Variants in KRCC1 observed in about 807,000 individuals in gnomAD.
KRCC1 encodes the protein lysine rich coiled-coil 1.
A neutral mutation model predicts 7.4 loss-of-function variants in KRCC1; 3 were observed. The ratio of observed to expected loss-of-function variants is 0.40; its 90% CI spans 0.18 to 1.04. KRCC1 has a LOEUF of 1.04. Among genes scored for constraint, KRCC1 ranks in the 50% least tolerant of loss-of-function variants. The pLI is 0.33. For synonymous variants in KRCC1, 102 were observed against 101.6 expected, an observed-to-expected ratio of 1.00 and a Z score of -0.02; for missense variants, 277 against 300.9, an observed-to-expected ratio of 0.92 and a Z score of 0.59.
At chr2:88,052,787 A>G (rs1019917891) in intron 1 of KRCC1, among the ~76,000 whole-genome samples, 4 of 152,228 alleles carry the variant, frequency 2.6e-5, no homozygotes, top group Admixed American at 2.0e-4. Context: ...GACTGTTAGT[A>G]TACTTGTGTC....
chr2:88,040,763 T>C (rs1231691026), intron 1 of KRCC1, among the ~76,000 whole-genome samples: 3 of 151,994 alleles, frequency 2.0e-5, no homozygotes, highest in Non-Finnish European at 4.4e-5. Flanking sequence ...CAAAGAACTA[T>C]GATGCAAGAC....
intron 2 of KRCC1, among the ~76,000 whole-genome samples, chr2:88,035,840 C>T (rs1383790392): frequency 6.6e-6 from 1 of 152,086 alleles, no homozygotes; most frequent in Admixed American, 6.6e-5. Context: ...GACCTCTGGG[C>T]TCTGAAGACT....
chr2:88,041,333 T>C (rs888310492), intron 1 of KRCC1, among the ~76,000 whole-genome samples: 3 of 152,058 alleles, frequency 2.0e-5, no homozygotes, highest in African/African-American at 7.3e-5. Flanking sequence ...GAGTTGTTAC[T>C]GTTGTTGTTA....
chr2:88,030,087 A>G (rs970585464), intron 3 of KRCC1, among the ~76,000 whole-genome samples: 1 of 150,876 alleles, frequency 6.6e-6, no homozygotes, highest in African/African-American at 2.4e-5. Flanking sequence ...ACCTCAGGTG[A>G]TCTGCCTGCC....
chr2:88,049,735 C>CCT (rs971274216), intron 1 of KRCC1, among the ~76,000 whole-genome samples: 11 of 152,242 alleles, frequency 7.2e-5, no homozygotes, highest in Admixed American at 2.0e-4. Flanking sequence ...AATTCTTAGT[C>CCT]ATTTTAACAT....
intron 1 of KRCC1, among the ~76,000 whole-genome samples, chr2:88,043,972 G>C (rs923174209): frequency 6.6e-6 from 1 of 152,128 alleles, no homozygotes; most frequent in Non-Finnish European, 1.5e-5. Flanking sequence ...ACTGCGCCCG[G>C]CCTCACGTTA....
At chr2:88,043,519 G>T (rs908883380) in intron 1 of KRCC1, among the ~76,000 whole-genome samples, 1 of 152,164 alleles carries the variant, frequency 6.6e-6, no homozygotes, top group Non-Finnish European at 1.5e-5. Flanking sequence ...AACTAGGCAT[G>T]GCATGACTTG....
intron 1 of KRCC1, among the ~76,000 whole-genome samples, chr2:88,045,708 G>A (rs1673314505): frequency 6.6e-6 from 1 of 151,600 alleles, no homozygotes; most frequent in African/African-American, 2.4e-5. Context: ...TTTTGAGACA[G>A]AGTCTCACTC....
At chr2:88,032,456 G>A (rs1197264905) in intron 3 of KRCC1, among the ~76,000 whole-genome samples, 1 of 152,150 alleles carries the variant, frequency 6.6e-6, no homozygotes, top group Admixed American at 6.5e-5. Context: ...TAGCCTAGGA[G>A]CAATAGGCTA....
rs184170214 is a variant in KRCC1 at position 88,052,827 on chromosome 2, G to A, written c.-291+2799C>T. 1.5e-3 allele frequency among the ~76,000 whole-genome samples: 232 copies of A among 152,276 alleles called. 1 individual carries two copies. The highest frequency in any genetic ancestry group is 6.8e-3 in the Middle Eastern group (2 of 294). On this transcript the variant is annotated intron_variant, in intron 1 of 3. Coordinates refer to ENST00000347055, the MANE Select transcript of KRCC1 (RefSeq NM_016618.3). ...AAATGTTACTATTGCCTTTCATTGCGTGAAATGACCTACAAAGTGTTGTCA... is the reference window on the plus strand; with the variant it reads ...AAATGTTACTATTGCCTTTCATTGCATGAAATGACCTACAAAGTGTTGTCA...
chr2:88,049,333 A>G (rs1673415514), intron 1 of KRCC1, among the ~76,000 whole-genome samples: 1 of 152,228 alleles, frequency 6.6e-6, no homozygotes, highest in Non-Finnish European at 1.5e-5. Context: ...AACATGCGCC[A>G]TTCCTTCTAA....
At chr2:88,035,689 A>G (rs1411059104) in intron 2 of KRCC1, among the ~76,000 whole-genome samples, 1 of 152,110 alleles carries the variant, frequency 6.6e-6, no homozygotes, top group African/African-American at 2.4e-5. Flanking sequence ...GGACACTAAC[A>G]TTTTCAGAAC....
chr2:88,040,795 A>G (rs1238313329), intron 1 of KRCC1, among the ~76,000 whole-genome samples: 1 of 152,214 alleles, frequency 6.6e-6, no homozygotes, highest in Non-Finnish European at 1.5e-5. Context: ...AAGTGCTGTA[A>G]GACATAAGAA....
Position 88,044,101 on chromosome 2 carries a change from T to C in KRCC1, c.-290-7050A>G, listed in dbSNP as rs189198213. ...CATGTCCATGGTTGCAGTTAGTAAA[T>C]GACAAGGCAGTCTGGCTCCATAATC... On this transcript the variant is annotated intron_variant, in intron 1 of 3. Transcript: ENST00000347055. Among the ~76,000 whole-genome samples, 364 of 152,338 alleles carry C rather than the reference T, an allele frequency of 2.4e-3. 1 individual carries two copies. Among genetic ancestry groups the C allele is most frequent in the Admixed American group, 5.0e-3 (77 of 15,304 alleles).
chr2:88,045,925 C>T (rs1320087110), intron 1 of KRCC1, among the ~76,000 whole-genome samples: 2 of 152,140 alleles, frequency 1.3e-5, no homozygotes, highest in Non-Finnish European at 2.9e-5. Context: ...GGTGACCCAC[C>T]CACCTCGGCC....
At chr2:88,040,768 C>T (rs1323159183) in intron 1 of KRCC1, among the ~76,000 whole-genome samples, 1 of 151,410 alleles carries the variant, frequency 6.6e-6, no homozygotes, top group Non-Finnish European at 1.5e-5. Flanking sequence ...AACTATGATG[C>T]AAGACAAAAA....
intron 2 of KRCC1, among the ~76,000 whole-genome samples, chr2:88,035,308 T>G (rs1311715801): frequency 6.6e-6 from 1 of 152,212 alleles, no homozygotes; most frequent in Non-Finnish European, 1.5e-5. Context: ...TAGACTACAT[T>G]TTCTGGCCAT....
chr2:88,053,363 A>G (rs767804130), intron 1 of KRCC1, among the ~76,000 whole-genome samples: 1 of 151,078 alleles, frequency 6.6e-6, no homozygotes, highest in Admixed American at 6.6e-5. Context: ...TCTTTTGCAC[A>G]TATTTAAAGT....
chr2:88,031,773 T>A (rs1311971936), intron 3 of KRCC1, among the ~76,000 whole-genome samples: 1 of 152,080 alleles, frequency 6.6e-6, no homozygotes, highest in African/African-American at 2.4e-5. Flanking sequence ...GTTAAAAAAA[T>A]TTAAAAGTTT....
Sources: gnomAD v4.1 joint callset for allele counts (sites outside exome capture counted in the v4.1 genomes callset) on GRCh38, gnomAD v4.1.1 for gene constraint, MANE v1.5 for transcripts, NCBI Gene and HGNC (gene_info 2026-07-23, HGNC 2026-07-21) for gene names.